Variants in PDSS2 observed in about 807,000 individuals in gnomAD.
PDSS2 encodes decaprenyl diphosphate synthase subunit 2, also known as all trans-polyprenyl-diphosphate synthase PDSS2.
Under a neutral mutation model 44.5 loss-of-function variants are expected in PDSS2, and 31 were observed. That is an observed-to-expected ratio of 0.70 (90% confidence interval 0.52 to 0.94). The LOEUF (loss-of-function observed/expected upper bound fraction) is 0.94, where lower values mean the gene tolerates loss of function less well. Among genes scored for constraint, PDSS2 ranks in the 40% least tolerant of loss-of-function variants. The probability of loss-of-function intolerance (pLI) is 0.00; values close to 1 mark genes in which losing one functional copy is unlikely to be tolerated. For missense variants in PDSS2, 452 were observed against 482.2 expected, an observed-to-expected ratio of 0.94 and a Z score of 0.59; for synonymous variants, 157 against 180.3, an observed-to-expected ratio of 0.87 and a Z score of 1.03.
chr6:107,252,149 G>A (rs1236977469), intron 3 of PDSS2, among the ~76,000 whole-genome samples: 2 of 152,094 alleles, frequency 1.3e-5, no homozygotes, highest in Admixed American at 1.3e-4. Flanking sequence ...ACCTGGGCAC[G>A]AACTACCCAG....
chr6:107,200,552 G>T (rs2114567499), intron 6 of PDSS2, among the ~76,000 whole-genome samples: 1 of 152,238 alleles, frequency 6.6e-6, no homozygotes, highest in South Asian at 2.1e-4. Context: ...TACTTCAAAG[G>T]CTGAAAGAGA....
intron 1 of PDSS2, among the ~76,000 whole-genome samples, chr6:107,359,642 GGA>G (rs76647834): frequency 0.044 from 6,567 of 148,708 alleles, 294 homozygotes; most frequent in African/African-American, 0.11. Context: ...AAAAAAAAAG[GGA>G]GAGAGAGAGA....
intron 7 of PDSS2, among the ~76,000 whole-genome samples, chr6:107,187,538 G>A (rs1772212020): frequency 6.6e-6 from 1 of 152,078 alleles, no homozygotes; most frequent in South Asian, 2.1e-4. Flanking sequence ...GGTGGCGCAT[G>A]CCTATAATCC....
intron 1 of PDSS2, among the ~76,000 whole-genome samples, chr6:107,404,924 G>A (rs1234498905): frequency 6.6e-6 from 1 of 152,054 alleles, no homozygotes; most frequent in East Asian, 1.9e-4. Context: ...AGATATAAGA[G>A]GCTCAACAAA....
chr6:107,421,203 G>A (rs1301993484), intron 1 of PDSS2, among the ~76,000 whole-genome samples: 1 of 152,072 alleles, frequency 6.6e-6, no homozygotes, highest in South Asian at 2.1e-4. Flanking sequence ...TGCTAACAAA[G>A]GATATGGAGA....
At chr6:107,363,646 G>A (rs575823065) in intron 1 of PDSS2, among the ~76,000 whole-genome samples, 4 of 152,182 alleles carry the variant, frequency 2.6e-5, no homozygotes, top group South Asian at 2.1e-4. Flanking sequence ...AAGCTCCCAC[G>A]GTGTGGAAGG....
At chr6:107,458,927 G>A in intron 1 of PDSS2, 63 bp downstream of exon 1, 1 of 1,474,792 alleles carries the variant, frequency 6.8e-7, no homozygotes, top group East Asian at 2.3e-5. Flanking sequence ...GAATGCGTAT[G>A]CCCGCCAGAA....
intron 2 of PDSS2, among the ~76,000 whole-genome samples, chr6:107,314,234 C>T (rs547280332): frequency 6.6e-6 from 1 of 152,182 alleles, no homozygotes; most frequent in South Asian, 2.1e-4. Flanking sequence ...CACACACACA[C>T]ATCTTGTCAC....
intron 2 of PDSS2, among the ~76,000 whole-genome samples, chr6:107,276,002 C>A (rs941283024): frequency 6.6e-6 from 1 of 151,028 alleles, no homozygotes; most frequent in African/African-American, 2.4e-5. Context: ...CGCCTGTAGT[C>A]CCAGTTACTT....
chr6:107,343,458 G>A lies in PDSS2; in HGVS notation c.297-9126C>T, dbSNP rs116957125. Among the ~76,000 whole-genome samples the A allele has an allele frequency of 5.8e-3, 880 of 152,224 alleles. 6 individuals are homozygous for A. Among genetic ancestry groups the A allele is most frequent in the Non-Finnish European group, 8.6e-3 (586 of 68,008 alleles). ...GTTTTTTTGAAAAACAGTGTTTTAA[G>A]TTACAGTATATGATGTATTAGTTAA... On this transcript the variant is annotated intron_variant, in intron 1 of 7. Transcript: ENST00000369037.
At chr6:107,410,871 G>C (rs1780471253) in intron 1 of PDSS2, among the ~76,000 whole-genome samples, 1 of 151,216 alleles carries the variant, frequency 6.6e-6, no homozygotes, top group Non-Finnish European at 1.5e-5. Flanking sequence ...ACGGTTTGAT[G>C]TATCTACCAT....
chr6:107,452,745 C>A (rs1781914159), intron 1 of PDSS2, among the ~76,000 whole-genome samples: 1 of 151,986 alleles, frequency 6.6e-6, no homozygotes, highest in African/African-American at 2.4e-5. Context: ...CGGCTCACTG[C>A]AACCTCCGCC....
chr6:107,364,737 T>C (rs1778911254), intron 1 of PDSS2, among the ~76,000 whole-genome samples: 1 of 152,146 alleles, frequency 6.6e-6, no homozygotes, highest in Admixed American at 6.5e-5. Context: ...GCCACCAAAG[T>C]GGGAGCCCAG....
intron 2 of PDSS2, among the ~76,000 whole-genome samples, chr6:107,320,175 C>T (rs1419258626): frequency 6.6e-6 from 1 of 152,100 alleles, no homozygotes; most frequent in African/African-American, 2.4e-5. Flanking sequence ...GGATAGTGTT[C>T]AAGTGATTAA....
chr6:107,361,636 T>C (rs1414211212), intron 1 of PDSS2, among the ~76,000 whole-genome samples: 2 of 152,116 alleles, frequency 1.3e-5, no homozygotes, highest in Admixed American at 6.5e-5. Flanking sequence ...ACATAAAACA[T>C]AGGATCACAC....
intron 2 of PDSS2, among the ~76,000 whole-genome samples, chr6:107,288,619 C>G (rs1298104084): frequency 1.3e-5 from 2 of 151,976 alleles, no homozygotes; most frequent in African/African-American, 2.4e-5. Flanking sequence ...CTAATACAGA[C>G]AGGAGCACAG....
At chr6:107,321,136 TA>T (rs1241652435) in intron 2 of PDSS2, among the ~76,000 whole-genome samples, 1 of 152,206 alleles carries the variant, frequency 6.6e-6, no homozygotes, top group African/African-American at 2.4e-5. Flanking sequence ...GCTATAGTAA[TA>T]ATTATATTTC....
intron 6 of PDSS2, among the ~76,000 whole-genome samples, chr6:107,198,802 ACAACAAC>A (rs1482905203): frequency 5.0e-4 from 24 of 47,552 alleles, no homozygotes; most frequent in African/African-American, 2.3e-3. Flanking sequence ...ACAAACAATA[ACAACAAC>A]AACAACAACA....
intron 1 of PDSS2, among the ~76,000 whole-genome samples, chr6:107,394,422 T>C (rs1779878117): frequency 6.6e-6 from 1 of 152,142 alleles, no homozygotes; most frequent in African/African-American, 2.4e-5. Flanking sequence ...GCTCATCACA[T>C]GGCAAAAGCA....
Sources: gnomAD v4.1 joint callset for allele counts (sites outside exome capture counted in the v4.1 genomes callset) on GRCh38, gnomAD v4.1.1 for gene constraint, MANE v1.5 for transcripts, NCBI Gene and HGNC (gene_info 2026-07-23, HGNC 2026-07-21) for gene names.